ADAMTS17: variants seen among roughly 807,000 people sequenced by gnomAD.
ADAMTS17 encodes the protein A disintegrin and metalloproteinase with thrombospondin motifs 17.
Under a neutral mutation model 141.5 loss-of-function variants are expected in ADAMTS17, and 113 were observed. The observed-to-expected ratio is 0.80, with a 90% confidence interval of 0.69 to 0.93. ADAMTS17 has a LOEUF of 0.93. Among genes scored for constraint, ADAMTS17 ranks in the 40% least tolerant of loss-of-function variants. The pLI, the probability that ADAMTS17 is intolerant of heterozygous loss-of-function variation, is 0.00. For synonymous variants in ADAMTS17, 768 were observed against 630.6 expected (o/e 1.22, Z -3.27); for missense variants, 1,659 against 1,517.9 (o/e 1.09, Z -1.54).
intron 18 of ADAMTS17, among the ~76,000 whole-genome samples, chr15:100,040,570 C>A (rs1461033497): frequency 6.6e-6 from 1 of 151,952 alleles, no homozygotes; most frequent in African/African-American, 2.4e-5. Context: ...GGTTGCAGAG[C>A]CTACATGCAA....
chr15:100,138,279 A>G (rs1205075650), intron 10 of ADAMTS17, among the ~76,000 whole-genome samples: 1 of 152,262 alleles, frequency 6.6e-6, no homozygotes, highest in Admixed American at 6.5e-5. Context: ...GTATAAACCC[A>G]TAATCAAACA....
At chr15:100,051,360 A>AGTTG (rs2032129119) in intron 17 of ADAMTS17, among the ~76,000 whole-genome samples, 1 of 152,212 alleles carries the variant, frequency 6.6e-6, no homozygotes, top group Non-Finnish European at 1.5e-5. Context: ...CCTGGGCCCC[A>AGTTG]GGCAAAGCAG....
At chr15:100,225,387 C>T (rs1407435406) in intron 7 of ADAMTS17, among the ~76,000 whole-genome samples, 1 of 152,250 alleles carries the variant, frequency 6.6e-6, no homozygotes, top group Non-Finnish European at 1.5e-5. Context: ...GGGGAGCTTC[C>T]CCGATGGTTC....
chr15:100,162,322 GTGTAGGTATATACC>G (rs2039728197), intron 8 of ADAMTS17, among the ~76,000 whole-genome samples: 1 of 149,928 alleles, frequency 6.7e-6, no homozygotes, highest in South Asian at 2.1e-4. Context: ...GTACATGTAA[GTGTAGGTATATACC>G]TGTCCTATAT....
intron 14 of ADAMTS17, among the ~76,000 whole-genome samples, chr15:100,108,023 C>T (rs946457999): frequency 2.0e-5 from 3 of 152,080 alleles, no homozygotes; most frequent in African/African-American, 7.2e-5. Context: ...AGGAGGTGCT[C>T]GTTCTGAGGG....
At chr15:100,250,715 G>C (rs2043127262) in intron 7 of ADAMTS17, among the ~76,000 whole-genome samples, 1 of 152,170 alleles carries the variant, frequency 6.6e-6, no homozygotes, top group Non-Finnish European at 1.5e-5. Context: ...GCAGAAACCA[G>C]TGAAGCCTGA....
chr15:100,150,872 T>G (rs563903588), intron 10 of ADAMTS17, among the ~76,000 whole-genome samples: 32 of 152,002 alleles, frequency 2.1e-4, no homozygotes, highest in African/African-American at 7.7e-4. Flanking sequence ...AACCACACAA[T>G]CTCATGCTGT....
chr15:100,245,878 C>T (rs747055558), intron 7 of ADAMTS17, among the ~76,000 whole-genome samples: 13 of 152,116 alleles, frequency 8.5e-5, no homozygotes, highest in East Asian at 1.9e-4. Context: ...CATGCATGAG[C>T]GTAAAGGTGT....
intron 12 of ADAMTS17, among the ~76,000 whole-genome samples, chr15:100,125,729 G>A (rs2037698444): frequency 6.6e-6 from 1 of 152,172 alleles, no homozygotes; most frequent in South Asian, 2.1e-4. Context: ...AGCAGGAAAG[G>A]ACGGGCCTAG....
At chr15:100,220,834 C>T (rs903329302) in intron 7 of ADAMTS17, among the ~76,000 whole-genome samples, 1 of 152,230 alleles carries the variant, frequency 6.6e-6, no homozygotes, top group South Asian at 2.1e-4. Context: ...CATGTCACAG[C>T]ATGTAATGTT....
intron 17 of ADAMTS17, among the ~76,000 whole-genome samples, 186 bp downstream of exon 17, chr15:100,051,386 C>A (rs919642154): frequency 3.3e-5 from 5 of 152,156 alleles, no homozygotes; most frequent in African/African-American, 4.8e-5. Flanking sequence ...TGGGCATGAC[C>A]CTAGTGTGGG....
At chr15:100,174,785 A>C (rs1029711667) in intron 8 of ADAMTS17, among the ~76,000 whole-genome samples, 2 of 152,228 alleles carry the variant, frequency 1.3e-5, no homozygotes, top group Admixed American at 1.3e-4. Context: ...TGTGGTTTCA[A>C]GCAAGGCACT....
At chr15:100,153,748 T>C (rs979090848) in intron 9 of ADAMTS17, among the ~76,000 whole-genome samples, 3 of 152,166 alleles carry the variant, frequency 2.0e-5, no homozygotes, top group African/African-American at 7.2e-5. Flanking sequence ...AGGCAGATGG[T>C]TTAAGGCAGA....
At chr15:100,088,134 C>A (rs998871662) in intron 15 of ADAMTS17, among the ~76,000 whole-genome samples, 75 of 152,128 alleles carry the variant, frequency 4.9e-4, no homozygotes, top group Admixed American at 2.6e-4. Flanking sequence ...AGGCAACTTC[C>A]GCAAAGTCTC....
chr15:100,033,154 T>C (rs2727181), intron 18 of ADAMTS17, among the ~76,000 whole-genome samples: 14,836 of 152,220 alleles, frequency 0.097, 2,040 homozygotes, highest in African/African-American at 0.31. Context: ...ATGAGTCCAC[T>C]GCACCCATTT....
intron 20 of ADAMTS17, among the ~76,000 whole-genome samples, chr15:99,990,406 C>T (rs1051374810): frequency 3.3e-5 from 5 of 152,158 alleles, no homozygotes; most frequent in African/African-American, 4.8e-5. Context: ...ATCCTGGCAG[C>T]TCCATACTAA....
intron 3 of ADAMTS17, among the ~76,000 whole-genome samples, chr15:100,319,772 A>C (rs1054905567): frequency 6.6e-6 from 1 of 151,966 alleles, no homozygotes; most frequent in African/African-American, 2.4e-5. Flanking sequence ...TAATTATACT[A>C]AGAAGATCTA....
At position 99,974,081 on chromosome 15, in the gene ADAMTS17, A is replaced by T; in HGVS notation, c.*321T>A. ...AAATTCAAATGTCAAAAGCGAGTCA[A>T]GACAAGAACACTAAATGATGTCTCT... On this transcript the variant is annotated 3_prime_UTR_variant, in exon 22 of 22. Transcript: ENST00000268070. The T allele has an allele frequency of 2.3e-6, 1 of 427,434 alleles. No homozygotes were observed. Among genetic ancestry groups the T allele is most frequent in the South Asian group, 2.1e-5 (1 of 46,660 alleles). 26.5% of individuals were successfully genotyped at this position (427,434 alleles called of 1,614,324 possible).
At chr15:100,155,455 C>A in intron 8 of ADAMTS17, 135 bp from the exon 9 acceptor site, 2 of 1,196,910 alleles carry the variant, frequency 1.7e-6, no homozygotes. Flanking sequence ...GGTTCTCACA[C>A]AGCAGACCCA....
Sources: gnomAD v4.1 joint callset for allele counts (sites outside exome capture counted in the v4.1 genomes callset) on GRCh38, gnomAD v4.1.1 for gene constraint, MANE v1.5 for transcripts, NCBI Gene and HGNC (gene_info 2026-07-23, HGNC 2026-07-21) for gene names.